Variants in CC2D1A observed in about 807,000 individuals in gnomAD.
CC2D1A encodes coiled-coil and C2 domain-containing protein 1A.
CC2D1A carries 68 observed loss-of-function variants against 123.8 expected under a neutral mutation model. The ratio of observed to expected loss-of-function variants is 0.55; its 90% CI spans 0.45 to 0.67. The LOEUF is 0.67. CC2D1A is among the 30% of genes least tolerant of loss of function. CC2D1A has a pLI of 0.00. For missense variants in CC2D1A, 1,185 were observed against 1,290.3 expected (o/e 0.92, Z 1.25); for synonymous variants, 477 against 528.0 (o/e 0.90, Z 1.32).
intron 3 of CC2D1A, 40 bp from the exon 4 acceptor site, chr19:13,912,488 G>A: frequency 2.5e-6 from 4 of 1,614,120 alleles, no homozygotes; most frequent in East Asian, 4.5e-5. Context: ...CCCCCATCCA[G>A]CAGGCCCTTA....
intron 11 of CC2D1A, 192 bp from the exon 12 acceptor site, chr19:13,919,626 C>G: frequency 2.2e-6 from 1 of 459,652 alleles, no homozygotes; most frequent in Non-Finnish European, 3.7e-6. Context: ...CAGTCCCACT[C>G]TAGATCATGC....
intron 2 of CC2D1A, 146 bp downstream of exon 2, chr19:13,910,104 A>T: frequency 4.0e-6 from 3 of 747,310 alleles, no homozygotes; most frequent in Non-Finnish European, 3.8e-6. Flanking sequence ...AAGAGAGTCA[A>T]GATCGACTCT....
At chr19:13,919,077 G>T in intron 10 of CC2D1A, 35 bp downstream of exon 10, 1 of 1,602,512 alleles carries the variant, frequency 6.2e-7, no homozygotes, top group South Asian at 1.1e-5. Context: ...TGGGGCGAGT[G>T]GGCAGCCCGG....
rs1253873890 is a variant in CC2D1A, at chr19:13,926,664, C to T, written c.2015-3C>T. 3.1e-6 allele frequency: 5 copies of T among 1,614,068 alleles called. No individual in the cohort carries two copies. The highest frequency in any genetic ancestry group is 2.2e-5 in the East Asian group (1 of 44,878). On this transcript the variant is annotated splice_polypyrimidine_tract_variant and splice_region_variant and intron_variant, in intron 18 of 28. Transcript: ENST00000318003. ...CCCAGCTCTGACCGTTGTTTGCCCA[C>T]AGGACTGTCCCCTGGCGATCTGGAT...
At chr19:13,911,889 G>T (rs1291358054) in intron 2 of CC2D1A, among the ~76,000 whole-genome samples, 1 of 151,938 alleles carries the variant, frequency 6.6e-6, no homozygotes, top group Admixed American at 6.6e-5. Flanking sequence ...CTAATTTTTT[G>T]TATTTGTAGT....
chr19:13,923,851 G>A lies in CC2D1A; in HGVS notation c.1940+40G>A. On this transcript the variant is annotated intron_variant, in intron 17 of 28. Transcript: ENST00000318003. This position sits in a 1 kb window ranked among gnomAD's most constrained non-coding sequence, Gnocchi z 5.3. ...CTACGCCCCACCACGTGGCCCCAGTGGCCCTTTGGTGGCGGTGGGGCGGGT... is the reference window on the plus strand; with the variant it reads ...CTACGCCCCACCACGTGGCCCCAGTAGCCCTTTGGTGGCGGTGGGGCGGGT... The A allele has an allele frequency of 6.7e-7, 1 of 1,497,760 alleles. No homozygotes were observed. The highest frequency in any genetic ancestry group is 9.3e-7 in the Non-Finnish European group (1 of 1,075,288). The allele number at this position is 1,497,760 out of a possible 1,614,324, so 92.8% of individuals were successfully genotyped here.
intron 3 of CC2D1A, 33 bp downstream of exon 3, chr19:13,912,471 C>A (rs751259113): frequency 6.2e-7 from 1 of 1,613,984 alleles, no homozygotes; most frequent in Non-Finnish European, 8.5e-7. Flanking sequence ...GGGCTCTGAT[C>A]CGGTTGCCCC....
chr19:13,923,661 G>C lies in CC2D1A; in HGVS notation c.1824-34G>C. The C allele has an allele frequency of 6.2e-7, 1 of 1,613,406 alleles. No individual in the cohort carries two copies. The highest frequency in any genetic ancestry group is 8.5e-7 in the Non-Finnish European group (1 of 1,179,288). ...GCACCCCCAGCCACCCATCCCCAGG[G>C]CCAGGGACATGAGCAGGGCCCTCCC... On this transcript the variant is annotated intron_variant, in intron 16 of 28. Coordinates refer to ENST00000318003, the MANE Select transcript of CC2D1A (RefSeq NM_017721.5). The surrounding 1 kb of genome is among the most constrained non-coding windows in gnomAD (Gnocchi z 5.3).
intron 2 of CC2D1A, among the ~76,000 whole-genome samples, chr19:13,910,407 CAAAAAAAAAAAA>C (rs766322114): frequency 7.3e-5 from 3 of 40,886 alleles, no homozygotes; most frequent in Non-Finnish European, 1.6e-4. Flanking sequence ...GACTCCGTCT[CAAAAAAAAAAAA>C]AAAAAAAAAA....
At chr19:13,919,078 G>A (rs1568411886) in intron 10 of CC2D1A, 36 bp downstream of exon 10, 1 of 1,602,744 alleles carries the variant, frequency 6.2e-7, no homozygotes, top group Non-Finnish European at 8.5e-7. Context: ...GGGGCGAGTG[G>A]GCAGCCCGGG....
intron 14 of CC2D1A, among the ~76,000 whole-genome samples, chr19:13,921,655 C>T (rs1029343775): frequency 3.3e-5 from 5 of 151,904 alleles, no homozygotes; most frequent in African/African-American, 7.3e-5. Flanking sequence ...TTGGCCCAAA[C>T]AGTCACATGG....
chr19:13,919,788 A>G, intron 11 of CC2D1A, 30 bp from the exon 12 acceptor site: 1 of 1,566,866 alleles, frequency 6.4e-7, no homozygotes, highest in Non-Finnish European at 8.7e-7. Context: ...ATCCTGACAC[A>G]CAATAACCAG....
At chr19:13,920,258 A>AT (rs1217714730) in intron 12 of CC2D1A, 1 of 503,108 alleles carries the variant, frequency 2.0e-6, no homozygotes, top group Non-Finnish European at 3.4e-6. Flanking sequence ...CTCCAAGACA[A>AT]TTAAAAAAAA....
At chr19:13,919,688 A>T (rs1455456961) in intron 11 of CC2D1A, 130 bp from the exon 12 acceptor site, 11 of 998,028 alleles carry the variant, frequency 1.1e-5, no homozygotes, top group African/African-American at 5.2e-5. Context: ...AAAAAAAAAA[A>T]AATTAATTAA....
At chr19:13,909,477 C>T (rs1970917316) in intron 1 of CC2D1A, among the ~76,000 whole-genome samples, 2 of 152,128 alleles carry the variant, frequency 1.3e-5, no homozygotes, top group African/African-American at 2.4e-5. Flanking sequence ...AAGCCATCCT[C>T]TTGCCTTGGC....
chr19:13,922,395 C>T (rs1971440258), intron 14 of CC2D1A, among the ~76,000 whole-genome samples: 1 of 152,234 alleles, frequency 6.6e-6, no homozygotes, highest in African/African-American at 2.4e-5. Context: ...AGGGCCTTTG[C>T]ACATGCAGTT....
At chr19:13,928,238 C>T (rs749410727) in intron 24 of CC2D1A, 50 bp downstream of exon 24, 1 of 1,517,264 alleles carries the variant, frequency 6.6e-7, no homozygotes. Context: ...ATTCCCCTCT[C>T]AGCCCCACCT....
At position 13,912,529 on chromosome 19, in the gene CC2D1A, C is replaced by A; in HGVS notation, c.314C>A (p.Ala105Glu). The A allele has an allele frequency of 1.9e-6, 3 of 1,614,122 alleles. No homozygotes were observed. Among genetic ancestry groups the A allele is most frequent in the South Asian group, 2.2e-5 (2 of 91,086 alleles). Residue 105 changes from alanine (A) to glutamate (E), a missense_variant and splice_region_variant, in exon 4 of 29, where the codon GCG becomes GAG. Ala to Glu is a moderately radical substitution (Grantham distance 107, BLOSUM62 -1). Transcript: ENST00000318003. ...TGCCCTGGCTGTGTGTCCCTGCAGG[C>A]GGAGCTAAATGAGGTCCTTGGAGAG... ...DDLEADDDLL[A>E]ELNEVLGEEQ...
Position 13,923,658 on chromosome 19 carries a change from A to G in CC2D1A, c.1824-37A>G, listed in dbSNP as rs1282159316. On this transcript the variant is annotated intron_variant, in intron 16 of 28. Coordinates refer to ENST00000318003, the MANE Select transcript of CC2D1A (RefSeq NM_017721.5). This position sits in a 1 kb window ranked among gnomAD's most constrained non-coding sequence, Gnocchi z 5.3. ...CTTGCACCCCCAGCCACCCATCCCC[A>G]GGGCCAGGGACATGAGCAGGGCCCT... 4 of 1,613,008 alleles carry G rather than the reference A, an allele frequency of 2.5e-6. No individual in the cohort carries two copies. In the South Asian group the frequency reaches 4.4e-5, roughly 18 times the overall value.
Sources: allele counts gnomAD v4.1 joint callset (sites outside exome capture counted in the v4.1 genomes callset), GRCh38; gene constraint gnomAD v4.1.1; non-coding constraint Gnocchi (gnomAD v3.1); transcripts MANE v1.5; gene names NCBI Gene and HGNC (gene_info 2026-07-23, HGNC 2026-07-21).